The following TUBD1 variants were observed in gnomAD, a reference collection of about 807,000 sequenced individuals.
TUBD1 encodes the protein tubulin delta 1.
TUBD1 carries 38 observed loss-of-function variants against 51.2 expected under a neutral mutation model. The ratio of observed to expected loss-of-function variants is 0.74; its 90% confidence interval spans 0.57 to 0.97. The LOEUF (loss-of-function observed/expected upper bound fraction) is 0.97. Among genes scored for constraint, TUBD1 ranks in the 50% least tolerant of loss-of-function variants. The probability of loss-of-function intolerance (pLI) is 0.00; values close to 1 mark genes in which losing one functional copy is unlikely to be tolerated. For missense variants in TUBD1, 489 were observed against 538.4 expected, an observed-to-expected ratio of 0.91 and a Z score of 0.91; for synonymous variants, 169 against 178.2, an observed-to-expected ratio of 0.95 and a Z score of 0.41.
intron 2 of TUBD1, among the ~76,000 whole-genome samples, chr17:59,889,173 C>G (rs549448081): frequency 6.8e-6 from 1 of 147,820 alleles, no homozygotes; most frequent in East Asian, 2.1e-4. Flanking sequence ...GCCACCATGT[C>G]CGGCTAATTT....
intron 6 of TUBD1, 53 bp downstream of exon 6, chr17:59,874,486 G>A: frequency 6.3e-7 from 1 of 1,578,112 alleles, no homozygotes. Flanking sequence ...TGAGACTCCA[G>A]GACAGACATT....
At chr17:59,875,968 A>T (rs1162979107) in intron 5 of TUBD1, among the ~76,000 whole-genome samples, 1 of 152,188 alleles carries the variant, frequency 6.6e-6, no homozygotes, top group African/African-American at 2.4e-5. Context: ...CAAACTTTAT[A>T]ACACTGAGTA....
At chr17:59,878,955 G>A (rs1340981187) in intron 4 of TUBD1, among the ~76,000 whole-genome samples, 1 of 152,186 alleles carries the variant, frequency 6.6e-6, no homozygotes, top group South Asian at 2.1e-4. Context: ...CTTCAGCTAG[G>A]TTGATCAACA....
chr17:59,886,866 C>A (rs983680557), intron 2 of TUBD1, among the ~76,000 whole-genome samples: 12 of 151,172 alleles, frequency 7.9e-5, no homozygotes, highest in African/African-American at 2.9e-4. Flanking sequence ...GCCTGGCCAA[C>A]ATGGTGAAAT....
chr17:59,876,868 C>CA (rs1388969251), intron 5 of TUBD1, among the ~76,000 whole-genome samples: 4 of 143,344 alleles, frequency 2.8e-5, no homozygotes, highest in African/African-American at 5.1e-5. Flanking sequence ...CTTAACCATT[C>CA]TTTTTTTTTT....
intron 8 of TUBD1, among the ~76,000 whole-genome samples, 167 bp downstream of exon 8, chr17:59,863,497 T>G (rs1404619833): frequency 6.6e-6 from 1 of 151,590 alleles, no homozygotes; most frequent in Admixed American, 6.6e-5. Context: ...TAATCCCAGC[T>G]ACTTGGGAGG....
At chr17:59,869,311 T>TA (rs1001864762) in intron 6 of TUBD1, among the ~76,000 whole-genome samples, 4 of 148,884 alleles carry the variant, frequency 2.7e-5, no homozygotes, top group Admixed American at 1.3e-4. Context: ...CCGTCTCTAC[T>TA]AAAAAAATAC....
Position 59,874,677 on chromosome 17 carries a change from G to A in TUBD1, c.796C>T (p.His266Tyr), listed in dbSNP as rs763608406. ...LGDLMEHLVPHPEFKMLSVRN... is the reference protein window; with the variant it reads ...LGDLMEHLVPYPEFKMLSVRN... ...ACACTCAGCATCTTGAATTCAGGATGGGGAACTAAATGCTCCATTAAGTCT... is the reference window on the plus strand; with the variant it reads ...ACACTCAGCATCTTGAATTCAGGATAGGGAACTAAATGCTCCATTAAGTCT... The change falls in exon 6 of 9, where the codon CAT becomes TAT. Residue 266 changes from histidine to tyrosine, a missense_variant. By Grantham distance (83) the His-to-Tyr change is moderately conservative. Coordinates refer to ENST00000325752, the MANE Select transcript of TUBD1 (RefSeq NM_016261.4). 3 of 1,612,172 alleles carry A rather than the reference G, an allele frequency of 1.9e-6. No individual in the cohort carries two copies. The Admixed American group carries it at 5.0e-5, about 27-fold the overall frequency.
intron 6 of TUBD1, among the ~76,000 whole-genome samples, chr17:59,868,336 T>A (rs1279341403): frequency 6.9e-6 from 1 of 145,792 alleles, no homozygotes; most frequent in Non-Finnish European, 1.5e-5. Flanking sequence ...CCCTCCTGGA[T>A]CACATATTCT....
At chr17:59,889,186 G>C (rs2040871197) in intron 2 of TUBD1, among the ~76,000 whole-genome samples, 1 of 149,920 alleles carries the variant, frequency 6.7e-6, no homozygotes, top group Non-Finnish European at 1.5e-5. Context: ...GCTAATTTTT[G>C]TATTTTTAGT....
Position 59,885,557 on chromosome 17 carries a change from G to C in TUBD1, c.320+526C>G, listed in dbSNP as rs1472960192. On this transcript the variant is annotated intron_variant, in intron 3 of 8. Transcript: ENST00000325752. ...TCGGTGGTTCACTACTAGATCTGAG[G>C]AGGCTTCGTGGGCTTTTGTGCCCTC... The C allele has an allele frequency of 2.1e-6, 3 of 1,435,830 alleles. No homozygotes were observed. In the African/African-American group the frequency reaches 4.2e-5, roughly 20 times the overall value. The allele number at this position is 1,435,830 out of a possible 1,614,324, so 88.9% of individuals were successfully genotyped here.
chr17:59,864,119 C>G (rs913915893), intron 7 of TUBD1, among the ~76,000 whole-genome samples: 2 of 151,494 alleles, frequency 1.3e-5, no homozygotes, highest in Non-Finnish European at 2.9e-5. Flanking sequence ...GGTGTGCATT[C>G]TTCTTAACAC....
Position 59,880,908 on chromosome 17 carries a change from A to C in TUBD1, c.523T>G (p.Tyr175Asp). ...CATGTCCATACCTCACCAGTTCCATAAGGCCAAATAATCTGATTCATTTTC... is the reference window on the plus strand; with the variant it reads ...CATGTCCATACCTCACCAGTTCCATCAGGCCAAATAATCTGATTCATTTTC... Reference protein sequence around the residue: ...SLKMNQIIWPYGTGEVIVQNY... With the variant: ...SLKMNQIIWPDGTGEVIVQNY... The change falls in exon 4 of 9, where the codon TAT becomes GAT. Residue 175 changes from tyrosine to aspartate, a missense_variant. By Grantham distance (160) the Tyr-to-Asp change is radical (BLOSUM62 -3). Transcript: ENST00000325752. 1 of 1,612,798 alleles carries C rather than the reference A, an allele frequency of 6.2e-7. No individual in the cohort carries two copies. Among genetic ancestry groups the C allele is most frequent in the Non-Finnish European group, 8.5e-7 (1 of 1,178,802 alleles).
intron 8 of TUBD1, among the ~76,000 whole-genome samples, chr17:59,861,145 A>C (rs2039422964): frequency 6.6e-6 from 1 of 151,752 alleles, no homozygotes; most frequent in African/African-American, 2.4e-5. Flanking sequence ...CAGGACATTT[A>C]ATTTGTAGTT....
At position 59,865,099 on chromosome 17, in the gene TUBD1, C is replaced by T. The variant is rs187118002; in HGVS notation, c.1076-1252G>A. 2.7e-4 allele frequency among the ~76,000 whole-genome samples: 41 copies of T among 152,140 alleles called. No individual in the cohort carries two copies. In the East Asian group the frequency reaches 7.7e-3, roughly 29 times the overall value. ...TTTCGAACTCCTAGCCTCAAGCGAT[C>T]CTCCTGACTTAGCCTGCCAAAGTGC... is the stretch of plus-strand genomic sequence containing the variant. On this transcript the variant is annotated intron_variant, in intron 7 of 8. Coordinates refer to ENST00000325752, the MANE Select transcript of TUBD1 (RefSeq NM_016261.4).
Position 59,860,085 on chromosome 17 carries a change from G to A in TUBD1, c.*237C>T, listed in dbSNP as rs529377612. 2.8e-4 allele frequency: 73 copies of A among 256,462 alleles called. No individual in the cohort carries two copies. The highest frequency in any genetic ancestry group is 1.7e-3 in the African/African-American group (69 of 41,408). The allele number at this position is 256,462 out of a possible 1,614,324, so 15.9% of individuals were successfully genotyped here. A position where few individuals can be genotyped will look rare whatever the true frequency, so the allele number is the denominator to read the frequency against. ...GGCTGGAGTGCAGTGGCGCGATCTCGGCTCACTGCAAGCTCCGCCTCCTGG... is the reference window on the plus strand; with the variant it reads ...GGCTGGAGTGCAGTGGCGCGATCTCAGCTCACTGCAAGCTCCGCCTCCTGG... On this transcript the variant is annotated 3_prime_UTR_variant, in exon 9 of 9. Coordinates refer to ENST00000325752, the MANE Select transcript of TUBD1 (RefSeq NM_016261.4).
In TUBD1 at chr17:59,859,830, C is replaced by T. The variant is rs1358590468; in HGVS notation, c.*492G>A. On this transcript the variant is annotated 3_prime_UTR_variant, in exon 9 of 9. Coordinates refer to ENST00000325752, the MANE Select transcript of TUBD1 (RefSeq NM_016261.4). ...GTCCCAACATTTCAGCAAAGTGTTT[C>T]CCCAAAGTTCTTTATAAAAGCACCA... 6.6e-6 allele frequency: 1 copy of T among 152,002 alleles called. No homozygotes were observed. The highest frequency in any genetic ancestry group is 2.4e-5 in the African/African-American group (1 of 41,358). The allele number at this position is 152,002 out of a possible 1,614,324, so 9.4% of individuals were successfully genotyped here.
At position 59,878,172 on chromosome 17, in the gene TUBD1, G is replaced by A. The variant is rs1451788804; in HGVS notation, c.700C>T (p.Gln234Ter). 1.9e-6 allele frequency: 3 copies of A among 1,614,044 alleles called. No individual in the cohort carries two copies. The African/African-American group carries it at 4.0e-5, about 22-fold the overall frequency. The change falls in exon 5 of 9, where the codon CAG becomes TAG. Residue 234 changes from glutamine (Q) to a stop codon, truncating the protein, a stop_gained. Transcript: ENST00000325752. LOFTEE classifies it high-confidence loss of function. ...FSDINQVLAH[Q>*]LGSVFQPTYS... is the part of the protein sequence containing the mutation. ...GTAGGCTGGAACACACTTCCCAGCT[G>A]ATGTGCGAGGACTTGATTGATATCA...
chr17:59,883,460 G>C (rs1053400441), intron 3 of TUBD1, among the ~76,000 whole-genome samples: 4 of 151,970 alleles, frequency 2.6e-5, no homozygotes, highest in African/African-American at 9.7e-5. Context: ...TAGAAACAGG[G>C]TTTTACCATG....
Sources: allele counts gnomAD v4.1 joint callset (sites outside exome capture counted in the v4.1 genomes callset), GRCh38; gene constraint gnomAD v4.1.1; transcripts MANE v1.5; gene names NCBI Gene and HGNC (gene_info 2026-07-23, HGNC 2026-07-21).